Variants in R3HDM2 observed in about 807,000 individuals in gnomAD.
R3HDM2 encodes R3H domain containing 2.
Under a neutral mutation model 124.5 loss-of-function variants are expected in R3HDM2, and 38 were observed. The ratio of observed to expected loss-of-function variants is 0.31; its 90% CI spans 0.24 to 0.40. The LOEUF is 0.40. R3HDM2 is among the 10% of genes least tolerant of loss of function. The pLI, the probability that R3HDM2 is intolerant of heterozygous loss-of-function variation, is 1.00. For missense variants in R3HDM2, 869 were observed against 1,236.9 expected, an observed-to-expected ratio of 0.70 and a Z score of 4.46; for synonymous variants, 391 against 448.0, an observed-to-expected ratio of 0.87 and a Z score of 1.61.
At chr12:57,330,852 C>G (rs959092765) in intron 2 of R3HDM2, among the ~76,000 whole-genome samples, 1 of 151,826 alleles carries the variant, frequency 6.6e-6, no homozygotes, top group Non-Finnish European at 1.5e-5. Context: ...GCACCCGCCA[C>G]CACGCCCTGC....
chr12:57,316,582 C>CTT lies in R3HDM2; in HGVS notation c.-35-6121_-35-6120dup, dbSNP rs761496804. 7.0e-3 allele frequency among the ~76,000 whole-genome samples: 703 copies of CTT among 100,114 alleles called. 15 individuals carry two copies. Among genetic ancestry groups the CTT allele is most frequent in the African/African-American group, 0.023 (626 of 27,662 alleles). The allele number at this position is 100,114 out of a possible 152,430, so 65.7% of individuals were successfully genotyped here. ...CAGAGAAAATAAGCCTGCATCCATC[C>CTT]TTTTTTTTTTTTTTTTTTTTTGAGA... On this transcript the variant is annotated intron_variant, in intron 2 of 23. Coordinates refer to ENST00000402412, the MANE Select transcript of R3HDM2 (RefSeq NM_001394031.1).
chr12:57,324,851 T>C (rs1208979350), intron 2 of R3HDM2, among the ~76,000 whole-genome samples: 1 of 152,198 alleles, frequency 6.6e-6, no homozygotes, highest in Non-Finnish European at 1.5e-5. Context: ...AGAATGTGAC[T>C]GTATTTGGAG....
Position 57,269,026 on chromosome 12 carries a change from C to T in R3HDM2, c.1771G>A (p.Val591Ile), listed in dbSNP as rs766584776. 5 of 1,614,102 alleles carry T rather than the reference C, an allele frequency of 3.1e-6. No individual in the cohort carries two copies. The South Asian group carries it at 5.5e-5, about 18-fold the overall frequency. Reference sequence around the variant, plus strand: ...AGGCCCTGGTTCTGTGGCTGCTGGACCCCAATCATGCCTTGGTAAGCCGCC... The same window carrying T: ...AGGCCCTGGTTCTGTGGCTGCTGGATCCCAATCATGCCTTGGTAAGCCGCC... ...QQAAYQGMIG[V>I]QQPQNQGLLS... Residue 591 changes from valine to isoleucine, a missense_variant, in exon 17 of 24, where the codon GTC (valine) becomes ATC (isoleucine). Transcript: ENST00000402412.
intron 2 of R3HDM2, among the ~76,000 whole-genome samples, chr12:57,332,535 A>T (rs745572800): frequency 6.6e-6 from 1 of 152,046 alleles, no homozygotes; most frequent in Admixed American, 6.6e-5. Flanking sequence ...TGCTTTCCCA[A>T]ATTCAGATCA....
intron 1 of R3HDM2, among the ~76,000 whole-genome samples, chr12:57,403,037 AG>A (rs1385277998): frequency 6.6e-6 from 1 of 152,134 alleles, no homozygotes; most frequent in Admixed American, 6.6e-5. Context: ...AGAGAGGCGT[AG>A]GAAGTGACTG....
chr12:57,354,674 G>A (rs1478494657), intron 2 of R3HDM2, among the ~76,000 whole-genome samples: 3 of 151,934 alleles, frequency 2.0e-5, no homozygotes, highest in Admixed American at 1.3e-4. Context: ...CCGAGTGTTT[G>A]TTCACATCTC....
intron 4 of R3HDM2, among the ~76,000 whole-genome samples, chr12:57,302,387 C>T (rs1170373106): frequency 2.0e-5 from 3 of 149,604 alleles, no homozygotes; most frequent in Admixed American, 1.3e-4. Flanking sequence ...AGTTCGAAGC[C>T]GGGCACGGTG....
At chr12:57,411,559 T>C (rs2069005920) in intron 1 of R3HDM2, among the ~76,000 whole-genome samples, 1 of 152,248 alleles carries the variant, frequency 6.6e-6, no homozygotes, top group African/African-American at 2.4e-5. Context: ...AATATGCAGA[T>C]ACATTTAATG....
At chr12:57,406,789 A>C (rs2068563155) in intron 1 of R3HDM2, among the ~76,000 whole-genome samples, 1 of 152,212 alleles carries the variant, frequency 6.6e-6, no homozygotes, top group Non-Finnish European at 1.5e-5. Flanking sequence ...GATCATCTAG[A>C]TATAACTACC....
rs77784795 is a variant in R3HDM2, at chr12:57,280,463, G to C, written c.1239C>G (p.Leu413=). 46,678 of 1,614,048 alleles carry C rather than the reference G, an allele frequency of 0.029. 842 individuals carry two copies. The highest frequency in any genetic ancestry group is 0.035 in the Non-Finnish European group (41,102 of 1,179,934). ...GCTGTTGCTGCTGGGCAGTACAAGGGAGAAGCCCCCGGACAGACTGGGATG... is the reference window on the plus strand; with the variant it reads ...GCTGTTGCTGCTGGGCAGTACAAGGCAGAAGCCCCCGGACAGACTGGGATG... ...VTSSQSVRGL[L]PCTAQQQQQQ... The change falls in exon 14 of 24, where the codon CTC becomes CTG. Residue 413 remains leucine, a synonymous_variant. Coordinates refer to ENST00000402412, the MANE Select transcript of R3HDM2 (RefSeq NM_001394031.1).
At chr12:57,371,627 A>C (rs1022766897) in intron 2 of R3HDM2, among the ~76,000 whole-genome samples, 8 of 152,216 alleles carry the variant, frequency 5.3e-5, no homozygotes, top group African/African-American at 1.7e-4. Flanking sequence ...TCTTGATTTA[A>C]CATTGTGCTT....
chr12:57,352,241 C>CA (rs776229504), intron 2 of R3HDM2, among the ~76,000 whole-genome samples: 8,684 of 47,894 alleles, frequency 0.18, 894 homozygotes, highest in Non-Finnish European at 0.26. Flanking sequence ...GACTCCATCT[C>CA]AAAAAAAAAA....
chr12:57,299,939 G>C (rs2050751163), intron 5 of R3HDM2, among the ~76,000 whole-genome samples, 156 bp downstream of exon 5: 2 of 152,254 alleles, frequency 1.3e-5, no homozygotes, highest in South Asian at 4.2e-4. Flanking sequence ...CCCACAGCTG[G>C]GAGGAGAGAC....
At chr12:57,300,441 T>A (rs1194180460) in intron 4 of R3HDM2, among the ~76,000 whole-genome samples, 1 of 152,204 alleles carries the variant, frequency 6.6e-6, no homozygotes, top group African/African-American at 2.4e-5. Flanking sequence ...ACCATTTCAC[T>A]CAGCCCTCTT....
At chr12:57,394,263 C>G (rs1212427200) in intron 2 of R3HDM2, among the ~76,000 whole-genome samples, 1 of 151,588 alleles carries the variant, frequency 6.6e-6, no homozygotes, top group Non-Finnish European at 1.5e-5. Flanking sequence ...CGCCACTGCA[C>G]TCCAGCCTGG....
chr12:57,401,088 AG>A, intron 1 of R3HDM2, among the ~76,000 whole-genome samples: 1 of 152,070 alleles, frequency 6.6e-6, no homozygotes, highest in Non-Finnish European at 1.5e-5. Flanking sequence ...GAGAAAGGGA[AG>A]GAGAAAAAGA....
intron 2 of R3HDM2, among the ~76,000 whole-genome samples, chr12:57,371,149 CTAGGGCAGGCAAACAAAG>C (rs1194561530): frequency 8.8e-6 from 1 of 113,488 alleles, no homozygotes; most frequent in African/African-American, 3.3e-5. Context: ...ACCCAACAAA[CTAGGGCAGGCAAACAAAG>C]TTTTACCCTC....
chr12:57,268,724 G>T, intron 17 of R3HDM2, 198 bp downstream of exon 17: 1 of 737,272 alleles, frequency 1.4e-6, no homozygotes, highest in Non-Finnish European at 2.2e-6. Flanking sequence ...TCATTCCATG[G>T]CTGTATAAAG....
At chr12:57,351,218 G>T (rs1055274003) in intron 2 of R3HDM2, among the ~76,000 whole-genome samples, 1 of 152,150 alleles carries the variant, frequency 6.6e-6, no homozygotes, top group African/African-American at 2.4e-5. Context: ...AGCAAGCCGT[G>T]ATGGCACCAC....
Sources: gnomAD v4.1 joint callset for allele counts (sites outside exome capture counted in the v4.1 genomes callset) on GRCh38, gnomAD v4.1.1 for gene constraint, MANE v1.5 for transcripts, NCBI Gene and HGNC (gene_info 2026-07-23, HGNC 2026-07-21) for gene names.